The following RRP36 variants were observed in gnomAD, a reference collection of about 807,000 sequenced individuals.
RRP36 encodes ribosomal RNA processing protein 36 homolog.
RRP36 carries 44 observed loss-of-function variants against 39.8 expected under a neutral mutation model. The ratio of observed to expected loss-of-function variants is 1.10; its 90% CI spans 0.87 to 1.42. The LOEUF is 1.42. Among genes scored for constraint, RRP36 ranks in the 40% most tolerant of loss-of-function variants. RRP36 has a pLI of 0.00. For synonymous variants in RRP36, 124 were observed against 123.1 expected (o/e 1.01, Z -0.05); for missense variants, 316 against 322.4 (o/e 0.98, Z 0.15).
intron 1 of RRP36, among the ~76,000 whole-genome samples, chr6:43,023,775 A>G (rs1762767378): frequency 6.6e-6 from 1 of 152,042 alleles, no homozygotes; most frequent in Non-Finnish European, 1.5e-5. Context: ...AGAGAACTGG[A>G]TTTTGTGGAA....
intron 3 of RRP36, 41 bp from the exon 4 acceptor site, chr6:43,025,996 T>C (rs759850774): frequency 7.6e-6 from 11 of 1,447,670 alleles, no homozygotes; most frequent in Non-Finnish European, 1.1e-5. Flanking sequence ...TGAAAGGAGA[T>C]TGAACAGTTG....
intron 1 of RRP36, among the ~76,000 whole-genome samples, chr6:43,023,994 T>C (rs1347178510): frequency 2.0e-5 from 3 of 151,860 alleles, no homozygotes; most frequent in Admixed American, 2.0e-4. Context: ...GTAGCTGGGA[T>C]TACAGGCACC....
intron 4 of RRP36, among the ~76,000 whole-genome samples, chr6:43,026,836 T>C (rs1208042384): frequency 4.6e-5 from 7 of 151,732 alleles, no homozygotes; most frequent in South Asian, 2.1e-4. Context: ...AATTAGTCTC[T>C]ACTAAAATAC....
intron 1 of RRP36, among the ~76,000 whole-genome samples, chr6:43,023,648 C>T (rs1421393855): frequency 2.0e-5 from 3 of 149,020 alleles, no homozygotes; most frequent in Non-Finnish European, 4.5e-5. Flanking sequence ...GCCGAGATCG[C>T]GCCACTGCAC....
intron 3 of RRP36, among the ~76,000 whole-genome samples, chr6:43,025,661 G>GT (rs1762800004): frequency 6.6e-6 from 1 of 151,210 alleles, no homozygotes; most frequent in Admixed American, 6.6e-5. Flanking sequence ...GCCGGGCGCA[G>GT]TGGCTCATGT....
At chr6:43,025,453 T>C in intron 3 of RRP36, 124 bp downstream of exon 3, 3 of 794,964 alleles carry the variant, frequency 3.8e-6, no homozygotes, top group Non-Finnish European at 6.1e-6. Flanking sequence ...TGAAACCCTG[T>C]CTCTACTAAA....
intron 1 of RRP36, 124 bp from the exon 2 acceptor site, chr6:43,024,861 C>T: frequency 1.7e-6 from 2 of 1,182,100 alleles, no homozygotes; most frequent in South Asian, 1.5e-5. Context: ...CTGCCTAGGA[C>T]TTCTAATAAT....
intron 1 of RRP36, among the ~76,000 whole-genome samples, chr6:43,023,178 G>A (rs990936657): frequency 4.6e-5 from 7 of 152,130 alleles, no homozygotes; most frequent in African/African-American, 1.7e-4. Flanking sequence ...CAGGAGGATC[G>A]CTTGAGCCCA....
At chr6:43,026,905 T>TAA (rs11415536) in intron 4 of RRP36, among the ~76,000 whole-genome samples, 4 of 145,230 alleles carry the variant, frequency 2.8e-5, no homozygotes, top group African/African-American at 7.5e-5. Flanking sequence ...TCTACTAAAA[T>TAA]AAAAAAAAAA....
chr6:43,029,143 G>A lies in RRP36; in HGVS notation c.695G>A (p.Ser232Asn), dbSNP rs374907155. ...LAEKFKELKRSKKLENFLSRK... is the reference protein window; with the variant it reads ...LAEKFKELKRNKKLENFLSRK... ...GAGAAGTTCAAGGAGCTGAAACGCA[G>A]CAAGAAATTGGAGAACTTCTTGAGT... Residue 232 changes from serine (S) to asparagine (N), a missense_variant, in exon 7 of 7, where the codon AGC (serine) becomes AAC (asparagine). Physicochemically the swap from Ser to Asn is conservative, Grantham distance 46 (BLOSUM62 1). Transcript: ENST00000244496. The A allele has an allele frequency of 3.6e-5, 58 of 1,614,122 alleles. No homozygotes were observed. The highest frequency in any genetic ancestry group is 4.5e-5 in the Non-Finnish European group (53 of 1,180,058).
intron 3 of RRP36, among the ~76,000 whole-genome samples, chr6:43,025,622 CAAAA>C (rs1219326852): frequency 1.1e-4 from 7 of 63,712 alleles, no homozygotes; most frequent in African/African-American, 2.1e-4. Flanking sequence ...GACTCTGTCT[CAAAA>C]AAAAAAAAAA....
At chr6:43,025,430 A>G (rs1343150709) in intron 3 of RRP36, 101 bp downstream of exon 3, 1 of 978,284 alleles carries the variant, frequency 1.0e-6, no homozygotes, top group Non-Finnish European at 1.6e-6. Context: ...CAAGACCAGC[A>G]TGGCCAACAT....
Position 43,021,675 on chromosome 6 carries a change from CGCCGGGGCCGGG to C in RRP36, c.37_48del (p.Gly13_Ala16del), listed in dbSNP as rs200886831. The C allele has an allele frequency of 4.6e-4, 575 of 1,252,850 alleles. No individual in the cohort carries two copies. Among genetic ancestry groups the C allele is most frequent in the African/African-American group, 2.4e-3 (154 of 64,248 alleles). 77.6% of individuals were successfully genotyped at this position (1,252,850 alleles called of 1,614,324 possible). A position where few individuals can be genotyped will look rare whatever the true frequency, so the allele number is the denominator to read the frequency against. The stretch of plus-strand genomic sequence containing the variant: ...AGCTGATGCCGGGAGCTAACTACCG[CGCCGGGGCCGGG>C]GCCGGGGCCGGGGCCCGACGTCCCC... On this transcript the variant is annotated inframe_deletion, in exon 1 of 7. Transcript: ENST00000244496.
rs781362891 is a variant in RRP36, at chr6:43,021,626, A to AT, written c.-27dup. The AT allele has an allele frequency of 1.5e-4, 198 of 1,283,828 alleles. No individual in the cohort carries two copies. In the African/African-American group the frequency reaches 2.7e-3, roughly 17 times the overall value. The allele number at this position is 1,283,828 out of a possible 1,614,324, so 79.5% of individuals were successfully genotyped here. Reference sequence around the variant, plus strand: ...GGCTGCCGTGAGCGGAAGCGGCGCCATTCGTCTTCCGAGCGCTACTGCCAG... The same window carrying AT: ...GGCTGCCGTGAGCGGAAGCGGCGCCATTTCGTCTTCCGAGCGCTACTGCCAG... On this transcript the variant is annotated 5_prime_UTR_variant, in exon 1 of 7. Coordinates refer to ENST00000244496, the MANE Select transcript of RRP36 (RefSeq NM_033112.4).
rs766161993 is a variant in RRP36 at position 43,021,640 on chromosome 6, C to A, written c.-15C>A. On this transcript the variant is annotated 5_prime_UTR_variant, in exon 1 of 7. Transcript: ENST00000244496. ...GAAGCGGCGCCATTCGTCTTCCGAG[C>A]GCTACTGCCAGCTGATGCCGGGAGC... 5.5e-6 allele frequency: 7 copies of A among 1,284,372 alleles called. No homozygotes were observed. Among genetic ancestry groups the A allele is most frequent in the Non-Finnish European group, 6.9e-6 (7 of 1,014,708 alleles). 79.6% of individuals were successfully genotyped at this position (1,284,372 alleles called of 1,614,324 possible).
chr6:43,029,161 T>A lies in RRP36; in HGVS notation c.713T>A (p.Phe238Tyr), dbSNP rs772653926. ...ELKRSKKLEN[F>Y]LSRKRRRNAG... is the part of the protein sequence containing the mutation. ...AAACGCAGCAAGAAATTGGAGAACT[T>A]CTTGAGTCGAAAGAGGCGACGAAAT... The change falls in exon 7 of 7, where the codon TTC becomes TAC. Residue 238 changes from phenylalanine (F) to tyrosine (Y), a missense_variant. Phe to Tyr is a conservative substitution (Grantham distance 22). Transcript: ENST00000244496. 5.6e-6 allele frequency: 9 copies of A among 1,614,098 alleles called. No homozygotes were observed. The highest frequency in any genetic ancestry group is 1.1e-5 in the South Asian group (1 of 91,094).
Position 43,027,382 on chromosome 6 carries a change from A to G in RRP36, c.548A>G (p.Gln183Arg). ...QRMEQQEMAQ[Q>R]ERKQQQELHL... The stretch of plus-strand genomic sequence containing the variant: ...CAGGAGCAGCAAGAAATGGCACAGC[A>G]GGAACGAAAGCAACAGCAGGAGCTG... Residue 183 changes from glutamine (Q) to arginine (R), a missense_variant, in exon 6 of 7, where the codon CAG becomes CGG. Physicochemically the swap from Gln to Arg is conservative, Grantham distance 43. Transcript: ENST00000244496. 6.2e-7 allele frequency: 1 copy of G among 1,614,232 alleles called. No homozygotes were observed. Among genetic ancestry groups the G allele is most frequent in the Non-Finnish European group, 8.5e-7 (1 of 1,180,038 alleles).
intron 6 of RRP36, among the ~76,000 whole-genome samples, chr6:43,027,917 C>CACAT (rs1554134018): frequency 6.6e-6 from 1 of 151,666 alleles, no homozygotes; most frequent in African/African-American, 2.4e-5. Flanking sequence ...CACACACACA[C>CACAT]ACACAATCAG....
In RRP36 at chr6:43,026,043, C is replaced by CG. The variant is rs1561863213; in HGVS notation, c.355dup (p.Asp119GlyfsTer5). 2.5e-6 allele frequency: 4 copies of CG among 1,611,786 alleles called. No individual in the cohort carries two copies. The highest frequency in any genetic ancestry group is 3.4e-6 in the Non-Finnish European group (4 of 1,178,116). On this transcript the variant is annotated frameshift_variant, in exon 4 of 7. Transcript: ENST00000244496. LOFTEE classifies it high-confidence loss of function. ...CTCTCTCTTCTCTCCAAAGGTAGCC[C>CG]GGGACCCTCGCTTTGATGATCTGTC... is the stretch of plus-strand genomic sequence containing the variant.
Sources: gnomAD v4.1 joint callset for allele counts (sites outside exome capture counted in the v4.1 genomes callset) on GRCh38, gnomAD v4.1.1 for gene constraint, MANE v1.5 for transcripts, NCBI Gene and HGNC (gene_info 2026-07-23, HGNC 2026-07-21) for gene names.